The following RETREG1 variants were observed in gnomAD, a reference collection of about 807,000 sequenced individuals.
The protein encoded by RETREG1 is family with sequence similarity 134 member B.
RETREG1 carries 44 observed loss-of-function variants against 54.8 expected under a neutral mutation model. The ratio of observed to expected loss-of-function variants is 0.80; its 90% CI spans 0.63 to 1.03. The LOEUF (loss-of-function observed/expected upper bound fraction) is 1.03. RETREG1 is among the 50% of genes least tolerant of loss of function. RETREG1 has a pLI of 0.00. For synonymous variants in RETREG1, 217 were observed against 238.5 expected (o/e 0.91, Z 0.83); for missense variants, 554 against 605.1 (o/e 0.92, Z 0.89).
At chr5:16,544,121 G>A (rs765224531) in intron 3 of RETREG1, among the ~76,000 whole-genome samples, 4 of 151,338 alleles carry the variant, frequency 2.6e-5, no homozygotes, top group Admixed American at 6.6e-5. Context: ...GATTACAGGC[G>A]CCCACCACCA....
chr5:16,496,424 C>T (rs1462624490), intron 3 of RETREG1, among the ~76,000 whole-genome samples: 1 of 152,188 alleles, frequency 6.6e-6, no homozygotes. Flanking sequence ...TTGCCACCAG[C>T]AGGAAGGGGT....
In RETREG1 at chr5:16,541,140, T is replaced by C. The variant is rs145700132; in HGVS notation, c.458+24623A>G. ...TGTTTGTGTCCCTCCAAAATTCATA[T>C]GTTAGAACTGAATATCCAGTGTGAT... On this transcript the variant is annotated intron_variant, in intron 3 of 8. Transcript: ENST00000306320. 4.7e-3 allele frequency among the ~76,000 whole-genome samples: 711 copies of C among 152,314 alleles called. 5 individuals are homozygous for C. Among genetic ancestry groups the C allele is most frequent in the Non-Finnish European group, 7.9e-3 (540 of 68,024 alleles).
intron 3 of RETREG1, among the ~76,000 whole-genome samples, chr5:16,525,452 A>G (rs1271985721): frequency 6.6e-6 from 1 of 152,068 alleles, no homozygotes; most frequent in Non-Finnish European, 1.5e-5. Flanking sequence ...CCTACCAACA[A>G]TGGGAAACAA....
At chr5:16,521,068 G>C (rs528699393) in intron 3 of RETREG1, among the ~76,000 whole-genome samples, 41 of 152,290 alleles carry the variant, frequency 2.7e-4, no homozygotes, top group South Asian at 1.2e-3. Flanking sequence ...TCATTGCACT[G>C]AACATGGTCT....
intron 3 of RETREG1, among the ~76,000 whole-genome samples, chr5:16,533,927 G>A (rs1036408344): frequency 2.0e-5 from 3 of 152,016 alleles, no homozygotes; most frequent in South Asian, 2.1e-4. Flanking sequence ...TTCTATCATC[G>A]CCAGCTTCTA....
At chr5:16,583,767 T>C (rs1376514662) in intron 1 of RETREG1, among the ~76,000 whole-genome samples, 1 of 152,230 alleles carries the variant, frequency 6.6e-6, no homozygotes, top group Non-Finnish European at 1.5e-5. Flanking sequence ...CATTTTGTAC[T>C]ATGAAATGAA....
chr5:16,518,169 A>G (rs1740419529), intron 3 of RETREG1, among the ~76,000 whole-genome samples: 2 of 148,036 alleles, frequency 1.4e-5, no homozygotes, highest in South Asian at 4.2e-4. Context: ...ATATATAATC[A>G]ATATGTAAAT....
intron 2 of RETREG1, among the ~76,000 whole-genome samples, chr5:16,568,862 A>G (rs772890304): frequency 1.3e-5 from 2 of 152,220 alleles, no homozygotes; most frequent in African/African-American, 4.8e-5. Context: ...GAAGGATACA[A>G]TTAAACTCTC....
rs754463036 is a variant in RETREG1 at position 16,488,610 on chromosome 5, G to A, written c.459-5138C>T. On this transcript the variant is annotated intron_variant, in intron 3 of 8. Transcript: ENST00000306320. ...TGAGGAGCCCGGAGGCCAGGAAAGA[G>A]CCATCAGAAAGGACTAGAAGGAACA... is the stretch of plus-strand genomic sequence containing the variant. 5.3e-5 allele frequency among the ~76,000 whole-genome samples: 8 copies of A among 152,304 alleles called. No individual in the cohort carries two copies. The South Asian group carries it at 1.4e-3, about 28-fold the overall frequency.
chr5:16,576,553 T>C (rs1255185811), intron 1 of RETREG1, among the ~76,000 whole-genome samples: 2 of 152,202 alleles, frequency 1.3e-5, no homozygotes, highest in East Asian at 3.9e-4. Flanking sequence ...TGGCACGATC[T>C]CGGCTCACCG....
chr5:16,586,428 T>G (rs6867538), intron 1 of RETREG1, among the ~76,000 whole-genome samples: 52,331 of 152,046 alleles, frequency 0.34, 10,420 homozygotes, highest in Non-Finnish European at 0.45. Context: ...GATAAGCCCT[T>G]CCTAAAACTG....
At chr5:16,610,415 C>T (rs1035319115) in intron 1 of RETREG1, among the ~76,000 whole-genome samples, 18 of 152,202 alleles carry the variant, frequency 1.2e-4, no homozygotes, top group Non-Finnish European at 7.3e-5. Flanking sequence ...TTTCTAAATG[C>T]CATGGTCTCC....
chr5:16,483,706 C>G (rs1048294134), intron 3 of RETREG1, among the ~76,000 whole-genome samples: 1 of 152,194 alleles, frequency 6.6e-6, no homozygotes, highest in African/African-American at 2.4e-5. Context: ...TCAGGGAGAA[C>G]AGGGTGAGGC....
At chr5:16,536,873 G>A (rs1305726990) in intron 3 of RETREG1, among the ~76,000 whole-genome samples, 2 of 152,210 alleles carry the variant, frequency 1.3e-5, no homozygotes, top group Non-Finnish European at 2.9e-5. Context: ...TGCCAGAGAT[G>A]AGTTCTCTGA....
chr5:16,515,839 G>A (rs192111869), intron 3 of RETREG1, among the ~76,000 whole-genome samples: 244 of 152,216 alleles, frequency 1.6e-3, no homozygotes, highest in Non-Finnish European at 2.5e-3. Flanking sequence ...ACAGAAAACC[G>A]TGAGGGAAAA....
At chr5:16,504,062 C>G (rs1043298475) in intron 3 of RETREG1, among the ~76,000 whole-genome samples, 2 of 152,196 alleles carry the variant, frequency 1.3e-5, no homozygotes, top group African/African-American at 4.8e-5. Context: ...TCCCCCCAAC[C>G]CATCCCCAAC....
At chr5:16,485,510 C>G (rs1215159264) in intron 3 of RETREG1, among the ~76,000 whole-genome samples, 7 of 152,126 alleles carry the variant, frequency 4.6e-5, no homozygotes, top group Non-Finnish European at 1.0e-4. Context: ...TGTACAGATG[C>G]TGGAACTTTG....
intron 1 of RETREG1, among the ~76,000 whole-genome samples, chr5:16,577,855 C>T (rs573664312): frequency 6.6e-6 from 1 of 152,294 alleles, no homozygotes; most frequent in African/African-American, 2.4e-5. Flanking sequence ...CTCTTGCCTG[C>T]CACGATGTAA....
At chr5:16,590,115 C>T (rs929314590) in intron 1 of RETREG1, among the ~76,000 whole-genome samples, 3 of 152,184 alleles carry the variant, frequency 2.0e-5, no homozygotes, top group Admixed American at 2.0e-4. Context: ...TGAGAATGAA[C>T]CTCAGATGAG....
Sources: gnomAD v4.1 joint callset for allele counts (sites outside exome capture counted in the v4.1 genomes callset) on GRCh38, gnomAD v4.1.1 for gene constraint, MANE v1.5 for transcripts, NCBI Gene and HGNC (gene_info 2026-07-23, HGNC 2026-07-21) for gene names.